VN1R1: variants seen among roughly 807,000 people sequenced by gnomAD.
VN1R1 encodes the protein vomeronasal 1 receptor 1, also known as vomeronasal type-1 receptor 1.
For missense variants in VN1R1, 391 were observed against 410.3 expected, an observed-to-expected ratio of 0.95 and a Z score of 0.41; for synonymous variants, 168 against 149.8, an observed-to-expected ratio of 1.12 and a Z score of -0.89.
chr19:57,455,660 A>G lies in VN1R1; in HGVS notation c.827T>C (p.Met276Thr), dbSNP rs1284565007. 2.5e-6 allele frequency: 4 copies of G among 1,614,064 alleles called. No individual in the cohort carries two copies. The highest frequency in any genetic ancestry group is 1.7e-5 in the Admixed American group (1 of 59,996). Residue 276 changes from methionine (M) to threonine (T), a missense_variant, in exon 1 of 1, where the codon ATG (methionine) becomes ACG (threonine). Coordinates refer to ENST00000321039, the MANE Select transcript of VN1R1 (RefSeq NM_020633.4). ...SQEARATHTI[M>T]VLVSSFFVFY... Reference sequence around the variant, plus strand: ...AACAAAAAAGGAGCTCACCAGGACCATGATGGTGTGTGTGGCTCTGGCTTC... The same window carrying G: ...AACAAAAAAGGAGCTCACCAGGACCGTGATGGTGTGTGTGGCTCTGGCTTC...
At position 57,455,746 on chromosome 19, in the gene VN1R1, G is replaced by A. The variant is rs1343109336; in HGVS notation, c.741C>T (p.Tyr247=). 2.5e-6 allele frequency: 4 copies of A among 1,614,066 alleles called. No individual in the cohort carries two copies. Among genetic ancestry groups the A allele is most frequent in the Admixed American group, 3.3e-5 (2 of 60,002 alleles). ...TGTGTTGGACTTGCTGCTTGTGTCT[G>A]TAGAGGAAGAAGACCATGGAGCCAC... The part of the protein sequence containing the change: ...WASGSMVFFL[Y]RHKQQVQHNH... The change falls in exon 1 of 1, where the codon TAC becomes TAT. Residue 247 remains tyrosine (Y), a synonymous_variant. Coordinates refer to ENST00000321039, the MANE Select transcript of VN1R1 (RefSeq NM_020633.4).
Position 57,456,627 on chromosome 19 carries a change from G to A in VN1R1, c.-141C>T. 1 of 613,856 alleles carries A rather than the reference G, an allele frequency of 1.6e-6. No individual in the cohort carries two copies. The highest frequency in any genetic ancestry group is 2.7e-6 in the Non-Finnish European group (1 of 376,332). 38.0% of individuals were successfully genotyped at this position (613,856 alleles called of 1,614,324 possible). ...CCACAAATCAAACCTATAAAACTCA[G>A]GGCTTACACACATGCAACAAGTAAA... On this transcript the variant is annotated 5_prime_UTR_variant, in exon 1 of 1. Transcript: ENST00000321039.
Position 57,455,002 on chromosome 19 carries a change from G to C in VN1R1, c.*423C>G, listed in dbSNP as rs374656745. On this transcript the variant is annotated 3_prime_UTR_variant, in exon 1 of 1. Coordinates refer to ENST00000321039, the MANE Select transcript of VN1R1 (RefSeq NM_020633.4). The stretch of plus-strand genomic sequence containing the variant: ...TGGGAGTGCCTCAGCCTCCCAAAAC[G>C]GTGGGATTACAGGCGTGAGCCACTG... The C allele has an allele frequency of 6.3e-6, 1 of 159,258 alleles. No homozygotes were observed. The highest frequency in any genetic ancestry group is 1.4e-5 in the Non-Finnish European group (1 of 72,668). The allele number at this position is 159,258 out of a possible 1,614,324, so 9.9% of individuals were successfully genotyped here. A position where few individuals can be genotyped will look rare whatever the true frequency, so the allele number is the denominator to read the frequency against.
At chr19:57,455,810 G>GA in the VN1R1 span, 1 of 1,614,168 alleles carries the variant, frequency 6.2e-7, no homozygotes, top group Non-Finnish European at 8.5e-7. Context: ...AAAATCAGGG[G>GA]AAAAATATAA....
chr19:57,455,755 G>A lies in VN1R1; in HGVS notation c.732C>T (p.Phe244=), dbSNP rs773183259. The change falls in exon 1 of 1, where the codon TTC becomes TTT. Residue 244 remains phenylalanine, a synonymous_variant. Transcript: ENST00000321039. ...CTTGCTGCTTGTGTCTGTAGAGGAA[G>A]AAGACCATGGAGCCACTGGCCCAGA... is the stretch of plus-strand genomic sequence containing the variant. ...FMVWASGSMV[F]FLYRHKQQVQ... is the part of the protein sequence containing the mutation. 41 of 1,614,038 alleles carry A rather than the reference G, an allele frequency of 2.5e-5. No homozygotes were observed. The highest frequency in any genetic ancestry group is 3.3e-5 in the Non-Finnish European group (39 of 1,180,036).
Position 57,455,494 on chromosome 19 carries a change from A to G in VN1R1, c.993T>C (p.His331=). 1.2e-6 allele frequency: 2 copies of G among 1,614,110 alleles called. No homozygotes were observed. The highest frequency in any genetic ancestry group is 1.7e-6 in the Non-Finnish European group (2 of 1,180,004). Residue 331 remains histidine, a synonymous_variant, in exon 1 of 1, where the codon CAT becomes CAC. Transcript: ENST00000321039. ...TGCAGGCAAAACAGAACTGAGAGAT[A>G]TGAGTATCACTCATGATGAGGACAA... ...SPFVLIMSDT[H]ISQFCFACRT...
At chr19:57,455,636 AC>A in the VN1R1 span, 1 of 1,614,128 alleles carries the variant, frequency 6.2e-7, no homozygotes, top group East Asian at 2.2e-5. Flanking sequence ...TGAATAGAAA[AC>A]AAAAAAGGAG....
At position 57,455,301 on chromosome 19, in the gene VN1R1, A is replaced by G. The variant is rs1469970545; in HGVS notation, c.*124T>C. The stretch of plus-strand genomic sequence containing the variant: ...CTTTCATTTTTAGCTCTGGTATTAG[A>G]TCTTCCTGGACAAGAGCATTACTGG... On this transcript the variant is annotated 3_prime_UTR_variant, in exon 1 of 1. Coordinates refer to ENST00000321039, the MANE Select transcript of VN1R1 (RefSeq NM_020633.4). The G allele has an allele frequency of 1.1e-6, 1 of 881,700 alleles. No homozygotes were observed. Among genetic ancestry groups the G allele is most frequent in the Non-Finnish European group, 1.7e-6 (1 of 584,538 alleles). The allele number at this position is 881,700 out of a possible 1,614,324, so 54.6% of individuals were successfully genotyped here. A position where few individuals can be genotyped will look rare whatever the true frequency, so the allele number is the denominator to read the frequency against.
Position 57,455,232 on chromosome 19 carries a change from T to C in VN1R1, c.*193A>G. On this transcript the variant is annotated 3_prime_UTR_variant, in exon 1 of 1. Transcript: ENST00000321039. ...ATTTCCTGAACTTGTCTGAAGGACTTAACACAGTTATATAGAGTGTTCTTT... is the reference window on the plus strand; with the variant it reads ...ATTTCCTGAACTTGTCTGAAGGACTCAACACAGTTATATAGAGTGTTCTTT... 1.8e-6 allele frequency: 1 copy of C among 544,520 alleles called. No homozygotes were observed. The highest frequency in any genetic ancestry group is 3.2e-6 in the Non-Finnish European group (1 of 317,430). 33.7% of individuals were successfully genotyped at this position (544,520 alleles called of 1,614,324 possible).
chr19:57,455,490 A>T lies in VN1R1; in HGVS notation c.997T>A (p.Ser333Thr), dbSNP rs201447602. The change falls in exon 1 of 1, where the codon TCT (serine) becomes ACT (threonine). Residue 333 changes from serine (S) to threonine (T), a missense_variant. By Grantham distance (58) the Ser-to-Thr change is moderately conservative. Coordinates refer to ENST00000321039, the MANE Select transcript of VN1R1 (RefSeq NM_020633.4). ...FVLIMSDTHI[S>T]QFCFACRTRK... ...GTCCTGCAGGCAAAACAGAACTGAGAGATATGAGTATCACTCATGATGAGG... is the reference window on the plus strand; with the variant it reads ...GTCCTGCAGGCAAAACAGAACTGAGTGATATGAGTATCACTCATGATGAGG... 6.8e-6 allele frequency: 11 copies of T among 1,614,114 alleles called. No homozygotes were observed. The highest frequency in any genetic ancestry group is 9.3e-6 in the Non-Finnish European group (11 of 1,180,016).
chr19:57,455,657 AC>A, the VN1R1 span: 1 of 1,614,192 alleles, frequency 6.2e-7, no homozygotes, highest in South Asian at 1.1e-5. Context: ...GCTCACCAGG[AC>A]CATGATGGTG....
In VN1R1 at chr19:57,455,385, G is replaced by T; in HGVS notation, c.*40C>A. The T allele has an allele frequency of 6.5e-7, 1 of 1,543,306 alleles. No individual in the cohort carries two copies. The highest frequency in any genetic ancestry group is 1.2e-5 in the South Asian group (1 of 82,234). On this transcript the variant is annotated 3_prime_UTR_variant, in exon 1 of 1. Coordinates refer to ENST00000321039, the MANE Select transcript of VN1R1 (RefSeq NM_020633.4). Reference sequence around the variant, plus strand: ...GTTAATATTTCCTAAATCTTAGCAAGAGTTATGATAAATAGCTGAATTCCA... The same window carrying T: ...GTTAATATTTCCTAAATCTTAGCAATAGTTATGATAAATAGCTGAATTCCA...
chr19:57,455,810 G>C lies in VN1R1; in HGVS notation c.677C>G (p.Ser226Cys), dbSNP rs1396425667. The change falls in exon 1 of 1, where the codon TCC becomes TGC. Residue 226 changes from serine to cysteine, a missense_variant. Transcript: ENST00000321039. Reference sequence around the variant, plus strand: ...GAAGCCCAAACTCATAAAATCAGGGGAAAAATATAAGACTGCATGTAATGA... The same window carrying C: ...GAAGCCCAAACTCATAAAATCAGGGCAAAAATATAAGACTGCATGTAATGA... ...FSSLHAVLYF[S>C]PDFMSLGFMV... The C allele has an allele frequency of 1.9e-6, 3 of 1,614,168 alleles. No homozygotes were observed. The highest frequency in any genetic ancestry group is 2.5e-6 in the Non-Finnish European group (3 of 1,180,038).
In VN1R1 at chr19:57,456,574, T is replaced by C; in HGVS notation, c.-88A>G. 1.8e-6 allele frequency: 2 copies of C among 1,137,790 alleles called. No individual in the cohort carries two copies. The highest frequency in any genetic ancestry group is 2.4e-6 in the Non-Finnish European group (2 of 824,826). The allele number at this position is 1,137,790 out of a possible 1,614,324, so 70.5% of individuals were successfully genotyped here. On this transcript the variant is annotated 5_prime_UTR_variant, in exon 1 of 1. Coordinates refer to ENST00000321039, the MANE Select transcript of VN1R1 (RefSeq NM_020633.4). Reference sequence around the variant, plus strand: ...GTCCAACTGCAGAGAAGCAGGTGAATGAATGAGGGCTCAACCGCACAACAG... The same window carrying C: ...GTCCAACTGCAGAGAAGCAGGTGAACGAATGAGGGCTCAACCGCACAACAG...
In VN1R1 at chr19:57,456,409, A is replaced by C; in HGVS notation, c.78T>G (p.Ser26=). 1.2e-6 allele frequency: 2 copies of C among 1,608,996 alleles called. No homozygotes were observed. Among genetic ancestry groups the C allele is most frequent in the Non-Finnish European group, 1.7e-6 (2 of 1,176,240 alleles). Residue 26 remains serine, a synonymous_variant, in exon 1 of 1, where the codon TCT becomes TCG. Transcript: ENST00000321039. ...GATGTTGATTTTCATTGAGGTCTGA[A>C]GAATCAGTAGAATAAAAAAGCAGAA... is the stretch of plus-strand genomic sequence containing the variant. The part of the protein sequence containing the change: ...YFFLLFYSTD[S]SDLNENQHPL...
chr19:57,455,996 G>A lies in VN1R1; in HGVS notation c.491C>T (p.Ser164Phe). 3 of 1,614,200 alleles carry A rather than the reference G, an allele frequency of 1.9e-6. No individual in the cohort carries two copies. Among genetic ancestry groups the A allele is most frequent in the South Asian group, 1.1e-5 (1 of 91,088 alleles). The change falls in exon 1 of 1, where the codon TCC becomes TTC. Residue 164 changes from serine to phenylalanine, a missense_variant. Ser to Phe is a radical substitution (Grantham distance 155). Transcript: ENST00000321039. The part of the protein sequence containing the change: ...ICRWMEIKIR[S>F]PRFIDFCCLL... The stretch of plus-strand genomic sequence containing the variant: ...ACAACAGAAGTCAATAAACCTTGGG[G>A]ATCTAATCTTGATCTCCATCCACCT...
chr19:57,456,564 A>G lies in VN1R1; in HGVS notation c.-78T>C. The G allele has an allele frequency of 7.8e-7, 1 of 1,275,294 alleles. No homozygotes were observed. The highest frequency in any genetic ancestry group is 1.5e-5 in the African/African-American group (1 of 66,770). 79.0% of individuals were successfully genotyped at this position (1,275,294 alleles called of 1,614,324 possible). On this transcript the variant is annotated 5_prime_UTR_variant, in exon 1 of 1. Coordinates refer to ENST00000321039, the MANE Select transcript of VN1R1 (RefSeq NM_020633.4). ...TTGCTTGTGTGTCCAACTGCAGAGA[A>G]GCAGGTGAATGAATGAGGGCTCAAC... is the stretch of plus-strand genomic sequence containing the variant.
At position 57,455,947 on chromosome 19, in the gene VN1R1, G is replaced by C. The variant is rs2089129274; in HGVS notation, c.540C>G (p.Val180=). 2.5e-6 allele frequency: 4 copies of C among 1,614,098 alleles called. No homozygotes were observed. Among genetic ancestry groups the C allele is most frequent in the Non-Finnish European group, 3.4e-6 (4 of 1,180,054 alleles). ...ATAGAAGAACAGATGCATTCATCAA[G>C]ACATGGGGGGCCCAGCAGAGGAGAC... is the stretch of plus-strand genomic sequence containing the variant. ...FCCLLCWAPH[V]LMNASVLLLV... is the part of the protein sequence containing the mutation. Residue 180 remains valine (V), a synonymous_variant, in exon 1 of 1, where the codon GTC becomes GTG. Coordinates refer to ENST00000321039, the MANE Select transcript of VN1R1 (RefSeq NM_020633.4).
At position 57,456,126 on chromosome 19, in the gene VN1R1, A is replaced by C. The variant is rs1473419544; in HGVS notation, c.361T>G (p.Cys121Gly). The C allele has an allele frequency of 1.9e-6, 3 of 1,614,064 alleles. No homozygotes were observed. Among genetic ancestry groups the C allele is most frequent in the Non-Finnish European group, 2.5e-6 (3 of 1,180,044 alleles). The change falls in exon 1 of 1, where the codon TGT becomes GGT. Residue 121 changes from cysteine to glycine, a missense_variant. Transcript: ENST00000321039. ...GLKYLLNDTG[C>G]KFVFYYHRVG... The stretch of plus-strand genomic sequence containing the variant: ...CTGTGATAATAAAAGACAAACTTAC[A>C]TCCAGTGTCATTCAGCAAATATTTC...
Sources: allele counts gnomAD v4.1 joint callset, GRCh38; gene constraint gnomAD v4.1.1; transcripts MANE v1.5; gene names NCBI Gene and HGNC (gene_info 2026-07-23, HGNC 2026-07-21).